Variants in ENDOD1 observed in about 807,000 individuals in gnomAD.
ENDOD1 encodes endonuclease domain-containing 1 protein.
ENDOD1 carries 9 observed loss-of-function variants against 6.5 expected under a neutral mutation model. The observed-to-expected ratio is 1.39, with a 90% CI of 0.84 to 2.43. The LOEUF is 2.43. Among genes scored for constraint, ENDOD1 ranks in the 30% most tolerant of loss-of-function variants. The pLI is 0.00. For synonymous variants in ENDOD1, 255 were observed against 255.2 expected (o/e 1.00, Z 0.01); for missense variants, 648 against 635.5 (o/e 1.02, Z -0.21).
intron 1 of ENDOD1, among the ~76,000 whole-genome samples, chr11:95,095,898 C>A (rs782503426): frequency 6.6e-5 from 10 of 152,160 alleles, no homozygotes; most frequent in Non-Finnish European, 1.3e-4. Flanking sequence ...TTAGTTTTTT[C>A]TCTCCAGAAT....
intron 1 of ENDOD1, among the ~76,000 whole-genome samples, chr11:95,114,668 G>C (rs1859186013): frequency 6.6e-6 from 1 of 152,128 alleles, no homozygotes; most frequent in Non-Finnish European, 1.5e-5. Flanking sequence ...TTTGACTTTT[G>C]TATATAATAA....
At chr11:95,128,322 G>A in intron 1 of ENDOD1, 55 bp from the exon 2 acceptor site, 2 of 1,563,630 alleles carry the variant, frequency 1.3e-6, no homozygotes, top group Non-Finnish European at 1.7e-6. Context: ...TGATTCTAGT[G>A]CTGCCTCTGT....
Position 95,129,124 on chromosome 11 carries a change from G to A in ENDOD1, c.1048G>A (p.Val350Met), listed in dbSNP as rs3740862. ...IKLFQLIYYL[V>M]VAILKNIVYF... ...GCTTTTTCAATTAATTTATTACCTT[G>A]TGGTAGCAATCCTGAAGAACATTGT... The change falls in exon 2 of 2, where the codon GTG becomes ATG. Residue 350 changes from valine (V) to methionine (M), a missense_variant. Val to Met is a conservative substitution (Grantham distance 21, BLOSUM62 1). Coordinates refer to ENST00000278505, the MANE Select transcript of ENDOD1 (RefSeq NM_015036.3). The A allele has an allele frequency of 0.074, 119,513 of 1,613,978 alleles. 5,252 individuals carry two copies. The highest frequency in any genetic ancestry group is 0.17 in the South Asian group (15,139 of 91,066).
intron 1 of ENDOD1, among the ~76,000 whole-genome samples, chr11:95,105,372 C>T (rs1555111327): frequency 6.6e-6 from 1 of 152,152 alleles, no homozygotes; most frequent in Non-Finnish European, 1.5e-5. Context: ...ATACCTGGTA[C>T]AATGTAAATG....
intron 1 of ENDOD1, among the ~76,000 whole-genome samples, chr11:95,111,405 A>G (rs1555111921): frequency 3.3e-5 from 5 of 152,038 alleles, no homozygotes; most frequent in Non-Finnish European, 7.4e-5. Flanking sequence ...CATTACTTTT[A>G]TTGTGCACTT....
At chr11:95,100,449 C>T (rs536938649) in intron 1 of ENDOD1, among the ~76,000 whole-genome samples, 5 of 152,100 alleles carry the variant, frequency 3.3e-5, no homozygotes, top group Non-Finnish European at 7.4e-5. Context: ...ACTCAACTTG[C>T]AGGTCTTTAA....
intron 1 of ENDOD1, among the ~76,000 whole-genome samples, chr11:95,121,319 A>G (rs1181463827): frequency 6.6e-6 from 1 of 152,136 alleles, no homozygotes; most frequent in Non-Finnish European, 1.5e-5. Context: ...CCTGTCTTGT[A>G]TGTGGTAGTA....
chr11:95,103,100 G>GTGTGTGT (rs1555111075), intron 1 of ENDOD1, among the ~76,000 whole-genome samples: 1,026 of 85,596 alleles, frequency 0.012, 14 homozygotes, highest in South Asian at 0.041. Flanking sequence ...AGGCAGAGTG[G>GTGTGTGT]GTGTGTGTGT....
rs766473602 is a variant in ENDOD1, at chr11:95,129,585, A to G, written c.*6A>G. 1.9e-6 allele frequency: 3 copies of G among 1,605,276 alleles called. No individual in the cohort carries two copies. The highest frequency in any genetic ancestry group is 2.6e-6 in the Non-Finnish European group (3 of 1,175,288). The stretch of plus-strand genomic sequence containing the variant: ...ACAATTCTGGGGAGTTATAAACTCA[A>G]AAAACTAATAGTATCCAGTCACAGT... On this transcript the variant is annotated 3_prime_UTR_variant, in exon 2 of 2. Coordinates refer to ENST00000278505, the MANE Select transcript of ENDOD1 (RefSeq NM_015036.3).
intron 1 of ENDOD1, among the ~76,000 whole-genome samples, chr11:95,120,960 G>C (rs191996993): frequency 1.3e-5 from 2 of 152,286 alleles, no homozygotes; most frequent in African/African-American, 2.4e-5. Flanking sequence ...GGGCAGCACT[G>C]AGTTCAATGC....
At position 95,132,265 on chromosome 11, in the gene ENDOD1, C is replaced by T. The variant is rs1367458147; in HGVS notation, c.*2686C>T. On this transcript the variant is annotated 3_prime_UTR_variant, in exon 2 of 2. Coordinates refer to ENST00000278505, the MANE Select transcript of ENDOD1 (RefSeq NM_015036.3). ...ATGTTGTCTTCTCACTCAGCATCAG[C>T]ACTTCGATCTAAATGCAGACTAGGT... 1.3e-5 allele frequency: 2 copies of T among 152,636 alleles called. No homozygotes were observed. Among genetic ancestry groups the T allele is most frequent in the African/African-American group, 4.8e-5 (2 of 41,448 alleles). The allele number at this position is 152,636 out of a possible 1,614,324, so 9.5% of individuals were successfully genotyped here. A position where few individuals can be genotyped will look rare whatever the true frequency, so the allele number is the denominator to read the frequency against.
At chr11:95,113,092 T>A (rs551552567) in intron 1 of ENDOD1, among the ~76,000 whole-genome samples, 1 of 151,980 alleles carries the variant, frequency 6.6e-6, no homozygotes, top group Non-Finnish European at 1.5e-5. Context: ...ATATAAGATA[T>A]TTTGATACAG....
chr11:95,102,829 G>T (rs748121049), intron 1 of ENDOD1, among the ~76,000 whole-genome samples: 7 of 152,178 alleles, frequency 4.6e-5, no homozygotes, highest in South Asian at 2.1e-4. Flanking sequence ...TTAAAATGAA[G>T]GGTGAATTTT....
At chr11:95,121,913 A>T (rs1272749769) in intron 1 of ENDOD1, among the ~76,000 whole-genome samples, 1 of 152,204 alleles carries the variant, frequency 6.6e-6, no homozygotes, top group African/African-American at 2.4e-5. Context: ...GAGGTAGATA[A>T]GACAGAGCTT....
intron 1 of ENDOD1, among the ~76,000 whole-genome samples, chr11:95,113,949 G>C (rs996330701): frequency 2.0e-5 from 3 of 151,960 alleles, no homozygotes; most frequent in Admixed American, 1.3e-4. Context: ...CCTATCTTTT[G>C]GATATAAGCC....
chr11:95,090,637 A>G (rs551828330), intron 1 of ENDOD1, among the ~76,000 whole-genome samples: 1 of 152,348 alleles, frequency 6.6e-6, no homozygotes, highest in Admixed American at 6.5e-5. Context: ...ACTTATTGCC[A>G]TAGCACTCAT....
chr11:95,099,246 C>T (rs1859014651), intron 1 of ENDOD1, among the ~76,000 whole-genome samples: 1 of 152,208 alleles, frequency 6.6e-6, no homozygotes, highest in Admixed American at 6.5e-5. Flanking sequence ...ACTGTGTTAA[C>T]TCTGTTGAGC....
chr11:95,096,227 CTTT>C (rs10660230), intron 1 of ENDOD1, among the ~76,000 whole-genome samples: 33 of 49,952 alleles, frequency 6.6e-4, no homozygotes, highest in African/African-American at 1.9e-3. Context: ...GTCAAGAAAG[CTTT>C]TTTTTTTTTT....
intron 1 of ENDOD1, among the ~76,000 whole-genome samples, chr11:95,127,142 C>G (rs61215323): frequency 3.3e-3 from 495 of 152,272 alleles, no homozygotes; most frequent in African/African-American, 0.011. Flanking sequence ...CCTTGAGATT[C>G]TAGTATGTGT....
Sources: gnomAD v4.1 joint callset for allele counts (sites outside exome capture counted in the v4.1 genomes callset) on GRCh38, gnomAD v4.1.1 for gene constraint, MANE v1.5 for transcripts, NCBI Gene and HGNC (gene_info 2026-07-23, HGNC 2026-07-21) for gene names.